LMO3: variants seen among roughly 807,000 people sequenced by gnomAD.
The protein encoded by LMO3 is LIM domain only 3, also known as LIM domain only protein 3.
In LMO3, 2 loss-of-function variants were observed where a neutral mutation model predicts 15.8. The ratio of observed to expected loss-of-function variants is 0.13; its 90% CI spans 0.05 to 0.40. The LOEUF (loss-of-function observed/expected upper bound fraction) is 0.40, where lower values mean the gene tolerates loss of function less well. LMO3 is among the 10% of genes least tolerant of loss of function. The probability of loss-of-function intolerance (pLI) is 0.99; values close to 1 mark genes in which losing one functional copy is unlikely to be tolerated. For missense variants in LMO3, 86 were observed against 182.2 expected (o/e 0.47, Z 3.04); for synonymous variants, 62 against 63.8 (o/e 0.97, Z 0.13).
upstream of LMO3, chr12:16,606,935 C>T (rs866967606): frequency 6.6e-6 from 1 of 152,148 alleles, no homozygotes; most frequent in African/African-American, 2.4e-5. Context: ...AAATTGCCTT[C>T]CAAAGCCATT....
chr12:16,562,672 GGCCAGCCCTGAGCT>G (rs1942445608), intron 2 of LMO3, among the ~76,000 whole-genome samples: 1 of 152,188 alleles, frequency 6.6e-6, no homozygotes, highest in Non-Finnish European at 1.5e-5. Context: ...AGTAATGCAT[GGCCAGCCCTGAGCT>G]GCCTGCTATA....
intron 2 of LMO3, among the ~76,000 whole-genome samples, chr12:16,574,176 C>G (rs1942919878): frequency 6.6e-6 from 1 of 151,960 alleles, no homozygotes; most frequent in African/African-American, 2.4e-5. Context: ...TAGAGGAAGA[C>G]AGTAGGGCTA....
chr12:16,556,330 G>A (rs1402584750), intron 3 of LMO3, among the ~76,000 whole-genome samples: 4 of 152,006 alleles, frequency 2.6e-5, no homozygotes, highest in African/African-American at 9.7e-5. Context: ...ACCCTCCTGC[G>A]GTACCTTTTA....
In LMO3 at chr12:16,600,670, C is replaced by A; in HGVS notation, c.191G>T (p.Arg64Leu). 6.2e-7 allele frequency: 1 copy of A among 1,613,854 alleles called. No homozygotes were observed. Among genetic ancestry groups the A allele is most frequent in the Non-Finnish European group, 8.5e-7 (1 of 1,179,790 alleles). ...LYTKANLILC[R>L]RDYLRLFGVT... is the part of the protein sequence containing the mutation. ...TAATTCCTACCTCAGATAGTCTCTG[C>A]GACAAAGGATAAGATTAGCTTTAGT... Residue 64 changes from arginine (R) to leucine (L), a missense_variant, in exon 2 of 4, where the codon CGC (arginine) becomes CTC (leucine). Around this residue, in one of 3 missense-constraint regions of LMO3, gnomAD observed 51 missense variants for 140.3 expected, o/e 0.36. Transcript: ENST00000537304.
At chr12:16,594,227 G>C (rs1441462613) in intron 2 of LMO3, 6 of 1,532,284 alleles carry the variant, frequency 3.9e-6, no homozygotes, top group Non-Finnish European at 5.2e-6. Flanking sequence ...TGTATGTGCA[G>C]CATGTATGTA....
intron 2 of LMO3, among the ~76,000 whole-genome samples, chr12:16,561,562 T>C (rs1394932307): frequency 2.0e-5 from 3 of 152,242 alleles, no homozygotes; most frequent in Admixed American, 1.3e-4. Context: ...AAAACTCATT[T>C]TGGTTATAAA....
Position 16,560,458 on chromosome 12 carries a change from T to C in LMO3, c.287A>G (p.Asn96Ser), listed in dbSNP as rs762735860. 6.2e-7 allele frequency: 1 copy of C among 1,613,972 alleles called. No homozygotes were observed. Among genetic ancestry groups the C allele is most frequent in the Non-Finnish European group, 8.5e-7 (1 of 1,179,910 alleles). The part of the protein sequence containing the change: ...AFEMVMRAKD[N>S]VYHLDCFACQ... The stretch of plus-strand genomic sequence containing the variant: ...TGCAAAGCAGTCCAGGTGGTAAACA[T>C]TGTCCTTGGCACGCATCACCATCTC... The change falls in exon 3 of 4, where the codon AAT becomes AGT. Residue 96 changes from asparagine (N) to serine (S), a missense_variant. Physicochemically the swap from Asn to Ser is conservative, Grantham distance 46. Around this residue, in one of 3 missense-constraint regions of LMO3, gnomAD observed 51 missense variants for 140.3 expected, o/e 0.36. Coordinates refer to ENST00000537304, the MANE Select transcript of LMO3 (RefSeq NM_018640.5). The surrounding 1 kb of genome is among the most constrained non-coding windows in gnomAD (Gnocchi z 5.0).
intron 2 of LMO3, among the ~76,000 whole-genome samples, chr12:16,567,802 C>T (rs1186349368): frequency 6.6e-6 from 1 of 152,000 alleles, no homozygotes; most frequent in Non-Finnish European, 1.5e-5. Flanking sequence ...CTCCTACACT[C>T]AGGCAAAACT....
rs1941879409 is a variant in LMO3, at chr12:16,548,746, T to C, written c.*2476A>G. 6.6e-6 allele frequency: 1 copy of C among 152,160 alleles called. No individual in the cohort carries two copies. The highest frequency in any genetic ancestry group is 1.5e-5 in the Non-Finnish European group (1 of 68,026). The allele number at this position is 152,160 out of a possible 1,614,324, so 9.4% of individuals were successfully genotyped here. A position where few individuals can be genotyped will look rare whatever the true frequency, so the allele number is the denominator to read the frequency against. On this transcript the variant is annotated 3_prime_UTR_variant, in exon 4 of 4. Transcript: ENST00000537304. The surrounding 1 kb of genome is among the most constrained non-coding windows in gnomAD (Gnocchi z 4.2). ...TCAGGTCAATAAATGCTACAATTTA[T>C]GGGCAATTAGCTGTAAAATGGCCTA...
chr12:16,583,046 CA>C (rs55665813), intron 2 of LMO3, among the ~76,000 whole-genome samples: 2,032 of 126,670 alleles, frequency 0.016, 41 homozygotes, highest in African/African-American at 0.056. Context: ...GACTCCGCCT[CA>C]AAAAAAAAAA....
At chr12:16,607,234 T>G (rs1944029382), upstream of LMO3, 1 of 152,430 alleles carries the variant, frequency 6.6e-6, no homozygotes, top group African/African-American at 2.4e-5. Flanking sequence ...TCACTAATGC[T>G]GACCCCCACC....
At chr12:16,594,113 A>T (rs1253065117) in intron 2 of LMO3, 1 of 1,531,226 alleles carries the variant, frequency 6.5e-7, no homozygotes, top group East Asian at 2.5e-5. Context: ...CAGGTGTTTG[A>T]ATTTTACAAG....
At chr12:16,565,376 A>G (rs1267377979) in intron 2 of LMO3, among the ~76,000 whole-genome samples, 1 of 152,178 alleles carries the variant, frequency 6.6e-6, no homozygotes, top group Admixed American at 6.5e-5. Context: ...TTTTTCAACT[A>G]AGGAAGGTAG....
At chr12:16,577,495 T>C (rs1294437982) in intron 2 of LMO3, among the ~76,000 whole-genome samples, 1 of 152,112 alleles carries the variant, frequency 6.6e-6, no homozygotes, top group East Asian at 1.9e-4. Context: ...ACTCCCTCCT[T>C]CTACCCTCCA....
chr12:16,581,879 A>T (rs537909856), intron 2 of LMO3, among the ~76,000 whole-genome samples: 8 of 152,110 alleles, frequency 5.3e-5, no homozygotes, highest in African/African-American at 1.9e-4. Context: ...TATAAATTTG[A>T]TTTACTTTTT....
chr12:16,552,510 C>T (rs115358923), intron 3 of LMO3, among the ~76,000 whole-genome samples: 292 of 152,120 alleles, frequency 1.9e-3, no homozygotes, highest in African/African-American at 6.4e-3. Flanking sequence ...GCTAGACAAA[C>T]AGTGAACCTA....
chr12:16,592,242 G>C (rs1943517612), intron 2 of LMO3, among the ~76,000 whole-genome samples: 1 of 152,002 alleles, frequency 6.6e-6, no homozygotes, highest in Admixed American at 6.6e-5. Flanking sequence ...AGATAGCAAA[G>C]CAAGTAATCA....
intron 2 of LMO3, among the ~76,000 whole-genome samples, chr12:16,594,537 C>T (rs1943590473): frequency 1.3e-5 from 2 of 151,310 alleles, no homozygotes; most frequent in African/African-American, 4.8e-5. Flanking sequence ...CTAATTTTTT[C>T]AGAAGATAGG....
chr12:16,561,845 C>A lies in LMO3; in HGVS notation c.207-1307G>T, dbSNP rs573896792. 7.2e-5 allele frequency among the ~76,000 whole-genome samples: 11 copies of A among 152,228 alleles called. No individual in the cohort carries two copies. The South Asian group carries it at 2.1e-3, about 29-fold the overall frequency. On this transcript the variant is annotated intron_variant, in intron 2 of 3. Coordinates refer to ENST00000537304, the MANE Select transcript of LMO3 (RefSeq NM_018640.5). ...TGGATTGTCTCTTGAAGAGCATAAG[C>A]GCCTTGAAGGTAGAAACAATAAATG...
Sources: gnomAD v4.1 joint callset for allele counts (sites outside exome capture counted in the v4.1 genomes callset) on GRCh38, gnomAD v4.1.1 for gene constraint, gnomAD v4.1.1 regional missense constraint, Gnocchi (gnomAD v3.1) non-coding constraint, MANE v1.5 for transcripts, NCBI Gene and HGNC (gene_info 2026-07-23, HGNC 2026-07-21) for gene names.